DBNDD2: variants seen among roughly 807,000 people sequenced by gnomAD.
DBNDD2 encodes the protein dysbindin domain containing 2.
In DBNDD2, 8 loss-of-function variants were observed where a neutral mutation model predicts 14.0. The ratio of observed to expected loss-of-function variants is 0.57; its 90% CI spans 0.33 to 1.03. The LOEUF (loss-of-function observed/expected upper bound fraction) is 1.03. DBNDD2 is among the 50% of genes least tolerant of loss of function. The pLI, the probability that DBNDD2 is intolerant of heterozygous loss-of-function variation, is 0.03. For missense variants in DBNDD2, 194 were observed against 206.0 expected, an observed-to-expected ratio of 0.94 and a Z score of 0.36; for synonymous variants, 94 against 85.3, an observed-to-expected ratio of 1.10 and a Z score of -0.56.
chr20:45,408,475 C>T lies in DBNDD2; in HGVS notation c.8C>T (p.Pro3Leu). The stretch of plus-strand genomic sequence containing the variant: ...CTACCCGCAGGAGCTGACATGGACC[C>T]AAATCCTCGGGCCGCCCTGGAGCGC... MDPNPRAALERQQ... is the reference protein window; with the variant it reads MDLNPRAALERQQ... The change falls in exon 1 of 3, where the codon CCA becomes CTA. Residue 3 changes from proline to leucine, a missense_variant. By Grantham distance (98) the Pro-to-Leu change is moderately conservative (BLOSUM62 -3). Coordinates refer to ENST00000372710, the MANE Select transcript of DBNDD2 (RefSeq NM_001048225.4). 1 of 1,614,250 alleles carries T rather than the reference C, an allele frequency of 6.2e-7. No homozygotes were observed. Among genetic ancestry groups the T allele is most frequent in the Non-Finnish European group, 8.5e-7 (1 of 1,180,038 alleles).
Position 45,409,668 on chromosome 20 carries a change from A to T in DBNDD2, c.278-264A>T, listed in dbSNP as rs149505238. Among the ~76,000 whole-genome samples, 477 of 152,342 alleles carry T rather than the reference A, an allele frequency of 3.1e-3. 2 individuals are homozygous for T. The highest frequency in any genetic ancestry group is 0.011 in the African/African-American group (450 of 41,576). On this transcript the variant is annotated intron_variant, in intron 2 of 2. Transcript: ENST00000372710. Reference sequence around the variant, plus strand: ...AAGGGAAAGTGACTTGCTCAAAGCCACTCAGCAGCAATAAGTGATGTAGGT... The same window carrying T: ...AAGGGAAAGTGACTTGCTCAAAGCCTCTCAGCAGCAATAAGTGATGTAGGT...
In DBNDD2 at chr20:45,408,424, T is replaced by G; in HGVS notation, c.-44T>G. The G allele has an allele frequency of 1.2e-6, 2 of 1,614,228 alleles. No homozygotes were observed. The highest frequency in any genetic ancestry group is 1.7e-6 in the Non-Finnish European group (2 of 1,180,046). The stretch of plus-strand genomic sequence containing the variant: ...GGTCCCCTCTGTCTTCTCTTTCGAC[T>G]TTGCAGCTGTACTTGTTTTGCTCCT... On this transcript the variant is annotated 5_prime_UTR_variant, in exon 1 of 3. Transcript: ENST00000372710.
chr20:45,406,322 G>GCGCGGGCGCCCGC, upstream of DBNDD2: 1 of 812,928 alleles, frequency 1.2e-6, no homozygotes, highest in Non-Finnish European at 1.8e-6. Context: ...GGCAGAACCG[G>GCGCGGGCGCCCGC]CGCGGGCGCC....
At chr20:45,407,954 G>C, upstream of DBNDD2, 1 of 1,389,090 alleles carries the variant, frequency 7.2e-7, no homozygotes, top group East Asian at 2.6e-5. Context: ...GGGCGCGGGA[G>C]GAGTTGCTTT....
chr20:45,406,361 C>G, upstream of DBNDD2: 1 of 1,243,904 alleles, frequency 8.0e-7, no homozygotes, highest in South Asian at 1.5e-5. Context: ...GGCGGGGGCG[C>G]AGCAAGTGCA....
chr20:45,407,269 C>T (rs549372812), upstream of DBNDD2: 1 of 975,190 alleles, frequency 1.0e-6, no homozygotes, highest in African/African-American at 1.8e-5. Flanking sequence ...CAGCGCCTCG[C>T]TCCTCCGCCG....
chr20:45,406,343 C>G (rs1347213166), upstream of DBNDD2: 8 of 1,083,160 alleles, frequency 7.4e-6, no homozygotes, highest in South Asian at 1.2e-4. Flanking sequence ...CGCCGCGGGT[C>G]TGCGCGGGGC....
At position 45,410,387 on chromosome 20, in the gene DBNDD2, A is replaced by G. The variant is rs147225400; in HGVS notation, c.*247A>G. 23 of 515,100 alleles carry G rather than the reference A, an allele frequency of 4.5e-5. No individual in the cohort carries two copies. The highest frequency in any genetic ancestry group is 3.8e-4 in the African/African-American group (20 of 52,118). The allele number at this position is 515,100 out of a possible 1,614,324, so 31.9% of individuals were successfully genotyped here. Reference sequence around the variant, plus strand: ...TGAGATATGATTTGCAAATGAGGAGAGAGAAGATGAGGTTGGACAAGATGC... The same window carrying G: ...TGAGATATGATTTGCAAATGAGGAGGGAGAAGATGAGGTTGGACAAGATGC... On this transcript the variant is annotated 3_prime_UTR_variant, in exon 3 of 3. Coordinates refer to ENST00000372710, the MANE Select transcript of DBNDD2 (RefSeq NM_001048225.4).
Position 45,408,614 on chromosome 20 carries a change from C to G in DBNDD2, c.139+8C>G, listed in dbSNP as rs199680441. ...ATCTCGAGTCGCAGAGACGTAAGTC[C>G]CAAGTCCTGAGAAGAGGGACTGGGG... is the stretch of plus-strand genomic sequence containing the variant. On this transcript the variant is annotated splice_region_variant and intron_variant, in intron 1 of 2. Coordinates refer to ENST00000372710, the MANE Select transcript of DBNDD2 (RefSeq NM_001048225.4). The G allele has an allele frequency of 1.3e-4, 212 of 1,611,246 alleles. No homozygotes were observed. Among genetic ancestry groups the G allele is most frequent in the Middle Eastern group, 8.3e-4 (5 of 6,046 alleles).
chr20:45,409,157 A>AT (rs1254911313), intron 2 of DBNDD2: 4 of 669,066 alleles, frequency 6.0e-6, no homozygotes, highest in Non-Finnish European at 9.8e-6. Context: ...GGAACGGTCA[A>AT]TCTCTTCTTT....
At chr20:45,408,137 C>CTGTG, upstream of DBNDD2, 1 of 1,531,372 alleles carries the variant, frequency 6.5e-7, no homozygotes, top group African/African-American at 1.4e-5. Flanking sequence ...ACCAATCCCT[C>CTGTG]CAACCCCTCT....
upstream of DBNDD2, chr20:45,407,497 G>A (rs541672269): frequency 1.0e-5 from 10 of 985,704 alleles, no homozygotes; most frequent in South Asian, 4.7e-5. Flanking sequence ...GCAGAACGCC[G>A]GGAAGGAGAT....
chr20:45,408,696 G>T, intron 1 of DBNDD2, 90 bp downstream of exon 1: 3 of 1,580,230 alleles, frequency 1.9e-6, no homozygotes, highest in Non-Finnish European at 8.7e-7. Context: ...CTCCCCTCTG[G>T]TTTTCTTGGC....
upstream of DBNDD2, chr20:45,407,387 G>A (rs966560517): frequency 2.8e-5 from 28 of 985,898 alleles, no homozygotes; most frequent in African/African-American, 4.4e-4. Context: ...GCCAGGGTCT[G>A]GGATACGCTG....
upstream of DBNDD2, chr20:45,407,142 C>A (rs989283835): frequency 4.4e-6 from 1 of 226,408 alleles, no homozygotes; most frequent in South Asian, 1.6e-4. Context: ...TCAGCTCCCC[C>A]ACCTTGGCCT....
upstream of DBNDD2, chr20:45,407,940 G>C: frequency 7.3e-7 from 1 of 1,371,656 alleles, no homozygotes; most frequent in African/African-American, 1.4e-5. Context: ...GGAGAGAAAA[G>C]GAGGGGCGCG....
At position 45,408,820 on chromosome 20, in the gene DBNDD2, A is replaced by G. The variant is rs765217272; in HGVS notation, c.159A>G (p.Ser53=). Residue 53 remains serine, a synonymous_variant, in exon 2 of 3, where the codon TCA becomes TCG. Coordinates refer to ENST00000372710, the MANE Select transcript of DBNDD2 (RefSeq NM_001048225.4). ...ESQRPPIGSI[S]SMEVNVDTLE... ...CCGCAGCCCCCATAGGTAGTATCTC[A>G]TCCATGGAAGTGAATGTGGACACAC... 2 of 1,613,030 alleles carry G rather than the reference A, an allele frequency of 1.2e-6. No individual in the cohort carries two copies. Among genetic ancestry groups the G allele is most frequent in the East Asian group, 2.2e-5 (1 of 44,866 alleles).
At chr20:45,406,579 C>T (rs555409026), upstream of DBNDD2, 10 of 1,468,668 alleles carry the variant, frequency 6.8e-6, no homozygotes, top group South Asian at 1.2e-4. Flanking sequence ...TTCCGCCTCC[C>T]GCCTCTTCCT....
chr20:45,407,749 CT>C, upstream of DBNDD2: 6 of 1,008,086 alleles, frequency 6.0e-6, no homozygotes, highest in Non-Finnish European at 7.1e-6. Flanking sequence ...AATAGCTCAC[CT>C]TCACAAGCAG....
Sources: allele counts gnomAD v4.1 joint callset (sites outside exome capture counted in the v4.1 genomes callset), GRCh38; gene constraint gnomAD v4.1.1; transcripts MANE v1.5; gene names NCBI Gene and HGNC (gene_info 2026-07-23, HGNC 2026-07-21).